The following SLC9A9 variants were observed in gnomAD, a reference collection of about 807,000 sequenced individuals.
The protein encoded by SLC9A9 is sodium/hydrogen exchanger 9.
Under a neutral mutation model 77.8 loss-of-function variants are expected in SLC9A9, and 62 were observed. The observed-to-expected ratio is 0.80, with a 90% CI of 0.65 to 0.98. The LOEUF is 0.98. Ranked by LOEUF, SLC9A9 falls within the 50% of genes least tolerant of loss-of-function variation. The pLI is 0.00. For synonymous variants in SLC9A9, 320 were observed against 283.5 expected (o/e 1.13, Z -1.29); for missense variants, 775 against 774.9 (o/e 1.00, Z 0.00).
chr3:143,477,719 C>T (rs1047902027), intron 11 of SLC9A9, among the ~76,000 whole-genome samples: 2 of 152,128 alleles, frequency 1.3e-5, no homozygotes, highest in African/African-American at 4.8e-5. Flanking sequence ...TCCTATGGTT[C>T]TGCGTCAACC....
At chr3:143,406,895 G>A (rs2033992297) in intron 12 of SLC9A9, among the ~76,000 whole-genome samples, 1 of 149,070 alleles carries the variant, frequency 6.7e-6, no homozygotes, top group South Asian at 2.1e-4. Context: ...AGAATTGCTT[G>A]AACCTGGGAG....
intron 6 of SLC9A9, 98 bp from the exon 7 acceptor site, chr3:143,578,821 A>G (rs1052329661): frequency 7.1e-7 from 1 of 1,418,174 alleles, no homozygotes; most frequent in Non-Finnish European, 9.9e-7. Flanking sequence ...TTTCCCTGTA[A>G]TGTTGGGTGC....
intron 11 of SLC9A9, among the ~76,000 whole-genome samples, chr3:143,488,100 A>C (rs4839638): frequency 2.0e-5 from 3 of 151,856 alleles, no homozygotes; most frequent in African/African-American, 7.2e-5. Context: ...GAGAATAACA[A>C]GAATAAGAGA....
chr3:143,722,234 G>A (rs1934517801), intron 4 of SLC9A9, among the ~76,000 whole-genome samples: 1 of 152,130 alleles, frequency 6.6e-6, no homozygotes. Flanking sequence ...AGCACTTCGG[G>A]AGGCCGAGGC....
chr3:143,705,329 G>A (rs1933941780), intron 4 of SLC9A9, among the ~76,000 whole-genome samples: 4 of 151,888 alleles, frequency 2.6e-5, no homozygotes, highest in African/African-American at 9.7e-5. Flanking sequence ...GGGGAAGTGT[G>A]GATGGTTAAT....
intron 2 of SLC9A9, among the ~76,000 whole-genome samples, chr3:143,828,364 A>G (rs1429906497): frequency 1.3e-5 from 2 of 152,166 alleles, no homozygotes; most frequent in Non-Finnish European, 2.9e-5. Context: ...GCTATTAGGC[A>G]TGGGGCACCA....
At chr3:143,637,702 G>A (rs1358809872) in intron 6 of SLC9A9, among the ~76,000 whole-genome samples, 2 of 152,100 alleles carry the variant, frequency 1.3e-5, no homozygotes, top group South Asian at 2.1e-4. Context: ...TTTTAAAGGT[G>A]AGAATAGATA....
At position 143,389,883 on chromosome 3, in the gene SLC9A9, A is replaced by AG. The variant is rs368300265; in HGVS notation, c.1470-7770dup. Among the ~76,000 whole-genome samples, 143 of 152,258 alleles carry AG rather than the reference A, an allele frequency of 9.4e-4. 1 individual carries two copies. Among genetic ancestry groups the AG allele is most frequent in the African/African-American group, 3.3e-3 (136 of 41,570 alleles). On this transcript the variant is annotated intron_variant, in intron 12 of 15. Coordinates refer to ENST00000316549, the MANE Select transcript of SLC9A9 (RefSeq NM_173653.4). The stretch of plus-strand genomic sequence containing the variant: ...GAAGGGTTAGAGGGAGAAGGAAGAA[A>AG]GGGGGGTTCTATAATTTGGGGACAT...
intron 9 of SLC9A9, among the ~76,000 whole-genome samples, chr3:143,511,876 AAT>A (rs1040744808): frequency 2.0e-5 from 3 of 152,246 alleles, no homozygotes; most frequent in Admixed American, 6.5e-5. Flanking sequence ...TCTAGAAAAT[AAT>A]AGTCATTCTA....
intron 9 of SLC9A9, among the ~76,000 whole-genome samples, chr3:143,497,793 T>A (rs2035860673): frequency 6.6e-6 from 1 of 152,178 alleles, no homozygotes; most frequent in Non-Finnish European, 1.5e-5. Context: ...AAACACTTTT[T>A]CACTCTAAAC....
chr3:143,308,825 C>T (rs940149835), intron 14 of SLC9A9, among the ~76,000 whole-genome samples: 1 of 152,090 alleles, frequency 6.6e-6, no homozygotes, highest in African/African-American at 2.4e-5. Flanking sequence ...TGAGGTTTGG[C>T]CTGGCTTCCC....
At chr3:143,680,005 A>G (rs899631248) in intron 5 of SLC9A9, among the ~76,000 whole-genome samples, 1 of 152,176 alleles carries the variant, frequency 6.6e-6, no homozygotes, top group African/African-American at 2.4e-5. Context: ...GAACTCCTCC[A>G]GCAGGAAGCA....
At chr3:143,416,709 A>G (rs1024629227) in intron 12 of SLC9A9, among the ~76,000 whole-genome samples, 3 of 152,234 alleles carry the variant, frequency 2.0e-5, no homozygotes, top group African/African-American at 7.2e-5. Context: ...TATTCACTTT[A>G]TTACAGTGGT....
Position 143,467,200 on chromosome 3 carries a change from A to G in SLC9A9, c.1316-10T>C, listed in dbSNP as rs143535777. ...ATCGCTCCTCGCAAACCTTGCAGGA[A>G]AAACCAAAGGAGAAAATAAATGCCT... On this transcript the variant is annotated splice_polypyrimidine_tract_variant and intron_variant, in intron 11 of 15. Coordinates refer to ENST00000316549, the MANE Select transcript of SLC9A9 (RefSeq NM_173653.4). The G allele has an allele frequency of 2.6e-4, 417 of 1,614,150 alleles. 4 individuals are homozygous for G. In the East Asian group the frequency reaches 9.2e-3, roughly 36 times the overall value.
chr3:143,494,034 T>C (rs537526405), intron 10 of SLC9A9, among the ~76,000 whole-genome samples: 3 of 152,324 alleles, frequency 2.0e-5, no homozygotes, highest in Admixed American at 6.5e-5. Context: ...AATTTTCTAA[T>C]CACATTTATA....
chr3:143,599,953 T>C (rs892854049), intron 6 of SLC9A9, among the ~76,000 whole-genome samples: 8 of 152,110 alleles, frequency 5.3e-5, no homozygotes. Context: ...ACTGTCCCGA[T>C]TATTGTTCTC....
rs758436886 is a variant in SLC9A9 at position 143,796,812 on chromosome 3, C to G, written c.456+14G>C. On this transcript the variant is annotated intron_variant, in intron 3 of 15. Transcript: ENST00000316549. The stretch of plus-strand genomic sequence containing the variant: ...CTTAATGATAAAAGAAGAAAATGAT[C>G]ACTATATATTTACCTTCTTTAGACT... 7 of 1,556,360 alleles carry G rather than the reference C, an allele frequency of 4.5e-6. 1 individual carries two copies. In the South Asian group the frequency reaches 8.1e-5, roughly 18 times the overall value.
chr3:143,707,151 T>C (rs1175936560), intron 4 of SLC9A9, among the ~76,000 whole-genome samples: 1 of 152,150 alleles, frequency 6.6e-6, no homozygotes, highest in Non-Finnish European at 1.5e-5. Context: ...AACCCCACAG[T>C]TCTCCTTTTC....
chr3:143,301,334 C>T, intron 14 of SLC9A9, among the ~76,000 whole-genome samples: 1 of 152,236 alleles, frequency 6.6e-6, no homozygotes, highest in East Asian at 1.9e-4. Context: ...CAACTGCTTC[C>T]TCTTCTATTC....
Sources: allele counts gnomAD v4.1 joint callset (sites outside exome capture counted in the v4.1 genomes callset), GRCh38; gene constraint gnomAD v4.1.1; transcripts MANE v1.5; gene names NCBI Gene and HGNC (gene_info 2026-07-23, HGNC 2026-07-21).